Variants in ZFYVE9 observed in about 807,000 individuals in gnomAD.
ZFYVE9 encodes zinc finger FYVE domain-containing protein 9.
ZFYVE9 carries 43 observed loss-of-function variants against 126.7 expected under a neutral mutation model. The observed-to-expected ratio is 0.34, with a 90% CI of 0.27 to 0.44. The LOEUF (loss-of-function observed/expected upper bound fraction) is 0.44. Ranked by LOEUF, ZFYVE9 falls within the 20% of genes least tolerant of loss-of-function variation. The pLI, the probability that ZFYVE9 is intolerant of heterozygous loss-of-function variation, is 1.00. For missense variants in ZFYVE9, 1,476 were observed against 1,697.0 expected (o/e 0.87, Z 2.29); for synonymous variants, 521 against 597.4 (o/e 0.87, Z 1.87).
intron 1 of ZFYVE9, among the ~76,000 whole-genome samples, chr1:52,160,924 T>C (rs184482534): frequency 6.6e-6 from 1 of 152,334 alleles, no homozygotes; most frequent in East Asian, 1.9e-4. Context: ...GCATAGAACA[T>C]GATAATCCCC....
chr1:52,145,802 A>G (rs543644160), intron 1 of ZFYVE9, among the ~76,000 whole-genome samples: 13 of 152,192 alleles, frequency 8.5e-5, no homozygotes, highest in Admixed American at 7.8e-4. Context: ...GGAATTTTTT[A>G]TGGAAAACAA....
At chr1:52,241,518 T>C (rs1645334142) in intron 4 of ZFYVE9, among the ~76,000 whole-genome samples, 2 of 152,316 alleles carry the variant, frequency 1.3e-5, no homozygotes, top group Middle Eastern at 3.4e-3. Flanking sequence ...ATTTTTGGTA[T>C]AGGCCAGCAC....
chr1:52,297,436 A>C (rs981842928), intron 12 of ZFYVE9, among the ~76,000 whole-genome samples: 33 of 151,388 alleles, frequency 2.2e-4, no homozygotes, highest in Non-Finnish European at 4.0e-4. Context: ...ACAGGGTTTT[A>C]CCTTGTTGGC....
At chr1:52,176,607 G>A (rs917858883) in intron 1 of ZFYVE9, among the ~76,000 whole-genome samples, 2 of 152,160 alleles carry the variant, frequency 1.3e-5, no homozygotes, top group Non-Finnish European at 2.9e-5. Context: ...GGAGCCTACG[G>A]AGGCAGGCAG....
intron 2 of ZFYVE9, among the ~76,000 whole-genome samples, chr1:52,228,281 T>C (rs1381970290): frequency 6.6e-6 from 1 of 152,172 alleles, no homozygotes; most frequent in African/African-American, 2.4e-5. Context: ...AGTCTCACTA[T>C]GTTGTCCAGG....
At chr1:52,225,130 C>T (rs775589972) in intron 2 of ZFYVE9, among the ~76,000 whole-genome samples, 10 of 152,176 alleles carry the variant, frequency 6.6e-5, no homozygotes, top group Non-Finnish European at 1.5e-4. Flanking sequence ...TACTTTGTTG[C>T]CCCAATAGTG....
rs546811529 is a variant in ZFYVE9 at position 52,238,110 on chromosome 1, T to G, written c.693T>G (p.Pro231=). ...GGAGATCTGTTAACCATCTGTGTCCTACTTCATCTGATAGTCTAGCCAGTG... is the reference window on the plus strand; with the variant it reads ...GGAGATCTGTTAACCATCTGTGTCCGACTTCATCTGATAGTCTAGCCAGTG... The part of the protein sequence containing the change: ...TEGRSVNHLC[P]TSSDSLASVC... Residue 231 remains proline, a synonymous_variant, in exon 4 of 19, where the codon CCT becomes CCG. Transcript: ENST00000287727. 1.8e-4 allele frequency: 286 copies of G among 1,614,106 alleles called. 2 individuals carry two copies. The South Asian group carries it at 3.1e-3, about 17-fold the overall frequency.
At chr1:52,210,117 A>G (rs1391245296) in intron 1 of ZFYVE9, among the ~76,000 whole-genome samples, 1 of 152,140 alleles carries the variant, frequency 6.6e-6, no homozygotes, top group East Asian at 1.9e-4. Flanking sequence ...AGTTGGGAGG[A>G]GAGGATAGTA....
chr1:52,194,853 TTA>T, intron 1 of ZFYVE9, among the ~76,000 whole-genome samples: 1 of 152,300 alleles, frequency 6.6e-6, no homozygotes, highest in African/African-American at 2.4e-5. Context: ...AATTGTAGTA[TTA>T]TATGTCTATT....
chr1:52,274,070 A>G lies in ZFYVE9; in HGVS notation c.2626-394A>G, dbSNP rs372137624. Among the ~76,000 whole-genome samples the G allele has an allele frequency of 9.8e-5, 15 of 152,322 alleles. 1 individual carries two copies. In the South Asian group the frequency reaches 2.3e-3, roughly 23 times the overall value. ...TAAAAGCAATATAAATTAGACCTTAAGTAGTTCCCAAGGTATTAAAGATTA... is the reference window on the plus strand; with the variant it reads ...TAAAAGCAATATAAATTAGACCTTAGGTAGTTCCCAAGGTATTAAAGATTA... On this transcript the variant is annotated intron_variant, in intron 7 of 18. Coordinates refer to ENST00000287727, the MANE Select transcript of ZFYVE9 (RefSeq NM_004799.4).
At chr1:52,255,723 T>C (rs1238154758) in intron 4 of ZFYVE9, among the ~76,000 whole-genome samples, 3 of 151,964 alleles carry the variant, frequency 2.0e-5, no homozygotes, top group Non-Finnish European at 4.4e-5. Context: ...CAAAACTCCA[T>C]CTTTATTAAA....
intron 1 of ZFYVE9, among the ~76,000 whole-genome samples, chr1:52,202,470 G>A (rs192707467): frequency 1.6e-3 from 245 of 151,634 alleles, no homozygotes; most frequent in Non-Finnish European, 2.6e-3. Flanking sequence ...TAGTAGAGAC[G>A]GGGTTTCACT....
intron 1 of ZFYVE9, among the ~76,000 whole-genome samples, chr1:52,156,461 A>G (rs1027950485): frequency 1.2e-4 from 19 of 152,142 alleles, no homozygotes; most frequent in Admixed American, 4.6e-4. Flanking sequence ...CCCCTACACA[A>G]TTTTGGTTTT....
intron 1 of ZFYVE9, among the ~76,000 whole-genome samples, chr1:52,203,921 A>G (rs1290440754): frequency 6.6e-6 from 1 of 152,032 alleles, no homozygotes; most frequent in Non-Finnish European, 1.5e-5. Flanking sequence ...GTTCTTTCTT[A>G]GAATTTTTCT....
intron 13 of ZFYVE9, among the ~76,000 whole-genome samples, chr1:52,322,959 C>T (rs1396652533): frequency 6.6e-6 from 1 of 152,172 alleles, no homozygotes; most frequent in Non-Finnish European, 1.5e-5. Context: ...CGCCTGCCAC[C>T]GCGCCCAGCT....
intron 4 of ZFYVE9, among the ~76,000 whole-genome samples, chr1:52,263,344 T>C (rs930790310): frequency 8.5e-5 from 13 of 152,290 alleles, no homozygotes; most frequent in African/African-American, 3.1e-4. Context: ...CATATAAGGA[T>C]AGTAACAAAC....
chr1:52,249,762 G>A (rs72666805), intron 4 of ZFYVE9, among the ~76,000 whole-genome samples: 5,184 of 152,156 alleles, frequency 0.034, 123 homozygotes, highest in Non-Finnish European at 0.053. Flanking sequence ...TAGTGCTTGC[G>A]TTTAGGTCTT....
At chr1:52,286,567 G>T (rs939649830) in intron 10 of ZFYVE9, among the ~76,000 whole-genome samples, 2 of 152,124 alleles carry the variant, frequency 1.3e-5, no homozygotes, top group African/African-American at 4.8e-5. Context: ...GCCATCGGAG[G>T]TTGTAGACTA....
chr1:52,182,132 GT>G (rs1644714977), intron 1 of ZFYVE9, among the ~76,000 whole-genome samples: 1 of 151,618 alleles, frequency 6.6e-6, no homozygotes, highest in Non-Finnish European at 1.5e-5. Context: ...GAGGTGGGGG[GT>G]CAGCCCCCCG....
Sources: allele counts gnomAD v4.1 joint callset (sites outside exome capture counted in the v4.1 genomes callset), GRCh38; gene constraint gnomAD v4.1.1; transcripts MANE v1.5; gene names NCBI Gene and HGNC (gene_info 2026-07-23, HGNC 2026-07-21).